GPR89A: variants seen among roughly 807,000 people sequenced by gnomAD.
GPR89A encodes golgi pH regulator A, also known as G protein-coupled receptor 89A.
Under a neutral mutation model 52.0 loss-of-function variants are expected in GPR89A, and 16 were observed. The ratio of observed to expected loss-of-function variants is 0.31; its 90% CI spans 0.21 to 0.47. The LOEUF is 0.47. Ranked by LOEUF, GPR89A falls within the 20% of genes least tolerant of loss-of-function variation. GPR89A has a pLI of 1.00. For synonymous variants in GPR89A, 55 were observed against 150.9 expected, an observed-to-expected ratio of 0.36 and a Z score of 4.66; for missense variants, 135 against 449.4, an observed-to-expected ratio of 0.30 and a Z score of 6.33.
At chr1:145,628,510 T>A (rs1649664075) in intron 5 of GPR89A, among the ~76,000 whole-genome samples, 1 of 151,888 alleles carries the variant, frequency 6.6e-6, no homozygotes, top group Non-Finnish European at 1.5e-5. Context: ...TAGACTGCAC[T>A]TGAATCCTGA....
intron 10 of GPR89A, among the ~76,000 whole-genome samples, chr1:145,655,191 C>T (rs1297569307): frequency 4.6e-5 from 7 of 151,756 alleles, no homozygotes; most frequent in African/African-American, 1.7e-4. Flanking sequence ...TTAACAGCTC[C>T]TATAATGTTT....
At chr1:145,635,421 A>AAAG (rs1650167581) in intron 7 of GPR89A, among the ~76,000 whole-genome samples, 1 of 149,994 alleles carries the variant, frequency 6.7e-6, no homozygotes, top group African/African-American at 2.5e-5. Flanking sequence ...AGAAAAAAAA[A>AAAG]GAATGATGAA....
At chr1:145,612,457 T>C (rs1553686323) in intron 1 of GPR89A, among the ~76,000 whole-genome samples, 1 of 152,136 alleles carries the variant, frequency 6.6e-6, no homozygotes, top group African/African-American at 2.4e-5. Flanking sequence ...CAATAAGAGC[T>C]GAAAAAATAA....
chr1:145,658,445 C>T (rs1179164572), intron 10 of GPR89A, among the ~76,000 whole-genome samples: 5 of 151,592 alleles, frequency 3.3e-5, no homozygotes, highest in Middle Eastern at 3.2e-3. Context: ...TTCTTTACCC[C>T]TCCCTCCCCG....
rs1571559210 is a variant in GPR89A, at chr1:145,670,305, A to G, written c.*265A>G. Reference sequence around the variant, plus strand: ...ATATGAGGCTGGTGTAGAGGCGGAGAGGAGCCAAGAAACTAAAGGTGAAAA... The same window carrying G: ...ATATGAGGCTGGTGTAGAGGCGGAGGGGAGCCAAGAAACTAAAGGTGAAAA... On this transcript the variant is annotated 3_prime_UTR_variant, in exon 14 of 14. Coordinates refer to ENST00000313835, the MANE Select transcript of GPR89A (RefSeq NM_001097612.2). The G allele has an allele frequency of 1.1e-6, 1 of 904,402 alleles. No homozygotes were observed. Among genetic ancestry groups the G allele is most frequent in the South Asian group, 1.8e-5 (1 of 55,564 alleles). The allele number at this position is 904,402 out of a possible 1,614,324, so 56.0% of individuals were successfully genotyped here.
chr1:145,629,576 G>T (rs1649758290), intron 5 of GPR89A, among the ~76,000 whole-genome samples: 1 of 152,200 alleles, frequency 6.6e-6, no homozygotes. Flanking sequence ...TCCAAAATCA[G>T]TACGCATTCT....
At chr1:145,662,475 T>C (rs1298092033) in intron 10 of GPR89A, among the ~76,000 whole-genome samples, 1 of 152,054 alleles carries the variant, frequency 6.6e-6, no homozygotes, top group Non-Finnish European at 1.5e-5. Context: ...TATTTGTATC[T>C]TTATATTTAT....
chr1:145,647,819 CGTCGTCGA>C (rs1559041810), intron 10 of GPR89A, among the ~76,000 whole-genome samples: 1 of 5,404 alleles, frequency 1.9e-4, no homozygotes, highest in Non-Finnish European at 2.7e-4. Context: ...CTCTCTTCGT[CGTCGTCGA>C]CTCTCTCTCT....
chr1:145,614,096 C>G (rs1357940974), intron 1 of GPR89A, among the ~76,000 whole-genome samples: 1 of 152,114 alleles, frequency 6.6e-6, no homozygotes, highest in Non-Finnish European at 1.5e-5. Context: ...TCTTATTCAT[C>G]CTTTGAGAGG....
rs1388492723 is a variant in GPR89A, at chr1:145,660,366, C to T, written c.910-2963C>T. Among the ~76,000 whole-genome samples the T allele has an allele frequency of 5.9e-5, 9 of 152,162 alleles. No homozygotes were observed. In the South Asian group the frequency reaches 6.2e-4, roughly 11 times the overall value. ...TAAAAACCCTAGAAGAAAACCTAGG[C>T]GTTACCATTCAGAACATAGGCATGG... On this transcript the variant is annotated intron_variant, in intron 10 of 13. Coordinates refer to ENST00000313835, the MANE Select transcript of GPR89A (RefSeq NM_001097612.2).
At chr1:145,655,294 T>C (rs1553694319) in intron 10 of GPR89A, among the ~76,000 whole-genome samples, 1 of 152,118 alleles carries the variant, frequency 6.6e-6, no homozygotes, top group Non-Finnish European at 1.5e-5. Flanking sequence ...AGCCTACTTC[T>C]GTCAGTGCAT....
chr1:145,660,361 C>T (rs1228723242), intron 10 of GPR89A, among the ~76,000 whole-genome samples: 9 of 151,950 alleles, frequency 5.9e-5, no homozygotes, highest in Non-Finnish European at 1.3e-4. Context: ...AGAAGAAAAC[C>T]TAGGCGTTAC....
intron 12 of GPR89A, among the ~76,000 whole-genome samples, chr1:145,668,625 G>A (rs1652737170): frequency 6.6e-6 from 1 of 152,008 alleles, no homozygotes; most frequent in African/African-American, 2.4e-5. Flanking sequence ...AAGAGTGGTG[G>A]GAGAGGGCAT....
At chr1:145,608,324 A>G (rs1553685379) in intron 1 of GPR89A, 149 bp downstream of exon 1, 2 of 1,242,720 alleles carry the variant, frequency 1.6e-6, no homozygotes, top group Non-Finnish European at 2.3e-6. Context: ...AGGGTGTGCG[A>G]TTTGCTGCGG....
At chr1:145,659,151 C>A (rs1169543873) in intron 10 of GPR89A, among the ~76,000 whole-genome samples, 42 of 151,848 alleles carry the variant, frequency 2.8e-4, no homozygotes, top group Admixed American at 1.3e-3. Flanking sequence ...ATTGCCGTGT[C>A]ATATGCTAAG....
chr1:145,654,307 A>G (rs1378436684), intron 10 of GPR89A, among the ~76,000 whole-genome samples: 1 of 152,102 alleles, frequency 6.6e-6, no homozygotes, highest in African/African-American at 2.4e-5. Context: ...TAATCCCAGC[A>G]CTTTGGGAGG....
intron 7 of GPR89A, among the ~76,000 whole-genome samples, chr1:145,635,569 A>T (rs1294648311): frequency 3.9e-5 from 6 of 152,222 alleles, no homozygotes; most frequent in Non-Finnish European, 7.3e-5. Context: ...GCAGATTTTA[A>T]AAAGTAGAGC....
intron 10 of GPR89A, among the ~76,000 whole-genome samples, chr1:145,649,673 G>T (rs1434658411): frequency 1.3e-5 from 2 of 151,680 alleles, no homozygotes; most frequent in African/African-American, 4.8e-5. Flanking sequence ...CTTAGGAGTG[G>T]AATGTCTGGA....
intron 10 of GPR89A, among the ~76,000 whole-genome samples, chr1:145,655,021 C>T (rs1651717433): frequency 6.7e-6 from 1 of 149,436 alleles, no homozygotes; most frequent in African/African-American, 2.5e-5. Flanking sequence ...CTCACCTTGT[C>T]TGCCTGTCTT....
Sources: gnomAD v4.1 joint callset for allele counts (sites outside exome capture counted in the v4.1 genomes callset) on GRCh38, gnomAD v4.1.1 for gene constraint, MANE v1.5 for transcripts, NCBI Gene and HGNC (gene_info 2026-07-23, HGNC 2026-07-21) for gene names.